COL21A1: variants seen among roughly 807,000 people sequenced by gnomAD.
COL21A1 encodes collagen alpha-1(XXI) chain.
Under a neutral mutation model 137.9 loss-of-function variants are expected in COL21A1, and 149 were observed. That is an observed-to-expected ratio of 1.08 (90% confidence interval 0.95 to 1.24). The LOEUF (loss-of-function observed/expected upper bound fraction) is 1.24. Among genes scored for constraint, COL21A1 ranks in the 50% most tolerant of loss-of-function variants. The pLI, the probability that COL21A1 is intolerant of heterozygous loss-of-function variation, is 0.00. For missense variants in COL21A1, 1,167 were observed against 1,158.4 expected, an observed-to-expected ratio of 1.01 and a Z score of -0.11; for synonymous variants, 456 against 391.5, an observed-to-expected ratio of 1.16 and a Z score of -1.95.
chr6:56,206,927 T>C (rs921950144), intron 1 of COL21A1, among the ~76,000 whole-genome samples: 5 of 151,826 alleles, frequency 3.3e-5, no homozygotes, highest in Admixed American at 1.3e-4. Context: ...AACAACCTAC[T>C]CCTGAATGAC....
At chr6:56,231,627 G>A (rs1781566920) in intron 1 of COL21A1, among the ~76,000 whole-genome samples, 1 of 151,744 alleles carries the variant, frequency 6.6e-6, no homozygotes, top group South Asian at 2.1e-4. Flanking sequence ...TACCAATTAT[G>A]TATACTAGTA....
At chr6:56,331,515 C>T (rs982837057) in intron 1 of COL21A1, among the ~76,000 whole-genome samples, 1 of 150,944 alleles carries the variant, frequency 6.6e-6, no homozygotes. Flanking sequence ...GTTTTCCCAG[C>T]ACCATTTATT....
chr6:56,338,719 A>T (rs900030937), intron 1 of COL21A1, among the ~76,000 whole-genome samples: 1 of 152,152 alleles, frequency 6.6e-6, no homozygotes, highest in Non-Finnish European at 1.5e-5. Flanking sequence ...TAACTTTAAG[A>T]GATTCTCTTG....
intron 10 of COL21A1, 82 bp downstream of exon 10, chr6:56,156,805 T>G (rs945751066): frequency 1.8e-6 from 2 of 1,097,396 alleles, no homozygotes; most frequent in African/African-American, 3.1e-5. Flanking sequence ...TTTCCTTGTC[T>G]GTTTAGATTT....
At chr6:56,312,362 T>C (rs1764632585) in intron 1 of COL21A1, among the ~76,000 whole-genome samples, 1 of 152,126 alleles carries the variant, frequency 6.6e-6, no homozygotes, top group African/African-American at 2.4e-5. Context: ...ACACAGAATT[T>C]GATGATTGAT....
chr6:56,218,685 C>T (rs1046575926), intron 1 of COL21A1, among the ~76,000 whole-genome samples: 1 of 152,012 alleles, frequency 6.6e-6, no homozygotes, highest in African/African-American at 2.4e-5. Flanking sequence ...AGACAAAAAG[C>T]AAACTTGAGC....
At chr6:56,157,764 G>A (rs1159078633) in intron 9 of COL21A1, among the ~76,000 whole-genome samples, 1 of 152,196 alleles carries the variant, frequency 6.6e-6, no homozygotes, top group Non-Finnish European at 1.5e-5. Flanking sequence ...AATCCTGTAA[G>A]TGTGTTGCTG....
chr6:56,136,284 G>T (rs1405745005), intron 12 of COL21A1, among the ~76,000 whole-genome samples: 1 of 152,084 alleles, frequency 6.6e-6, no homozygotes, highest in Non-Finnish European at 1.5e-5. Context: ...AAGCATGTGG[G>T]TTTGCTTGTT....
intron 7 of COL21A1, among the ~76,000 whole-genome samples, chr6:56,166,346 T>C (rs1448592552): frequency 6.6e-6 from 1 of 152,090 alleles, no homozygotes; most frequent in Non-Finnish European, 1.5e-5. Context: ...GTCATAGTCA[T>C]AGACGACGGG....
intron 1 of COL21A1, among the ~76,000 whole-genome samples, chr6:56,253,924 A>G (rs1290062251): frequency 6.6e-6 from 1 of 152,248 alleles, no homozygotes; most frequent in Non-Finnish European, 1.5e-5. Flanking sequence ...TTCGGAAAGC[A>G]TGTTCTTAGA....
chr6:56,280,747 T>C (rs1763769809), intron 1 of COL21A1, among the ~76,000 whole-genome samples: 1 of 152,184 alleles, frequency 6.6e-6, no homozygotes, highest in Non-Finnish European at 1.5e-5. Context: ...GCACAGTGGC[T>C]CACGACTATA....
intron 1 of COL21A1, among the ~76,000 whole-genome samples, chr6:56,304,990 A>C (rs547697024): frequency 6.6e-6 from 1 of 152,168 alleles, no homozygotes; most frequent in Non-Finnish European, 1.5e-5. Context: ...TTCGTTATGT[A>C]CCCAGTAGTC....
intron 1 of COL21A1, among the ~76,000 whole-genome samples, chr6:56,304,245 A>G (rs1462238533): frequency 1.3e-5 from 2 of 152,038 alleles, no homozygotes; most frequent in African/African-American, 4.8e-5. Flanking sequence ...TGCTGGCCTC[A>G]TAAAATGAGT....
In COL21A1 at chr6:56,316,477, C is replaced by CTTTTTTTTTTTTTT. The variant is rs60388494; in HGVS notation, c.-39+77480_-39+77493dup. Among the ~76,000 whole-genome samples, 35 of 75,790 alleles carry CTTTTTTTTTTTTTT rather than the reference C, an allele frequency of 4.6e-4. 7 individuals are homozygous for CTTTTTTTTTTTTTT. The highest frequency in any genetic ancestry group is 7.0e-4 in the Admixed American group (3 of 4,272). 49.7% of individuals were successfully genotyped at this position (75,790 alleles called of 152,430 possible). ...CACACCTTTTAAAATTCTAAATAGACTTTTTTTTTTTTTTTTTTTTTTGAG... is the reference window on the plus strand; with the variant it reads ...CACACCTTTTAAAATTCTAAATAGACTTTTTTTTTTTTTTTTTTTTTTTTTTTTTTTTTTTTGAG... On this transcript the variant is annotated intron_variant, in intron 1 of 28. Coordinates refer to the COL21A1 transcript ENST00000370819.
chr6:56,231,120 G>A (rs1781528578), intron 1 of COL21A1: 1 of 151,852 alleles, frequency 6.6e-6, no homozygotes, highest in Admixed American at 6.6e-5. Context: ...TACTAAGGAT[G>A]CCAGAAGAGG....
At chr6:56,156,264 C>T (rs1048199814) in intron 10 of COL21A1, among the ~76,000 whole-genome samples, 2 of 152,138 alleles carry the variant, frequency 1.3e-5, no homozygotes, top group Non-Finnish European at 2.9e-5. Flanking sequence ...CTGACTAGAA[C>T]ACTAACTCTC....
At chr6:56,098,401 AT>A (rs1562191909) in intron 17 of COL21A1, among the ~76,000 whole-genome samples, 1 of 22,146 alleles carries the variant, frequency 4.5e-5, no homozygotes, top group Non-Finnish European at 6.7e-5. Context: ...AAATATATAT[AT>A]AAATATATAT....
intron 17 of COL21A1, 134 bp from the exon 18 acceptor site, chr6:56,077,707 T>C (rs1436542206): frequency 3.5e-6 from 2 of 567,540 alleles, no homozygotes; most frequent in Non-Finnish European, 6.1e-6. Context: ...AATATTGCTA[T>C]TTGTAATAAT....
intron 12 of COL21A1, among the ~76,000 whole-genome samples, chr6:56,136,770 C>T (rs748159245): frequency 4.2e-4 from 64 of 152,178 alleles, no homozygotes; most frequent in Admixed American, 5.9e-4. Flanking sequence ...GTCTACATGT[C>T]CAAAAGTCTT....
Sources: gnomAD v4.1 joint callset for allele counts (sites outside exome capture counted in the v4.1 genomes callset) on GRCh38, gnomAD v4.1.1 for gene constraint, MANE v1.5 for transcripts, NCBI Gene and HGNC (gene_info 2026-07-23, HGNC 2026-07-21) for gene names.